CACNA1C: variants seen among roughly 807,000 people sequenced by gnomAD.
CACNA1C encodes calcium voltage-gated channel subunit alpha1 C, also known as voltage-dependent L-type calcium channel subunit alpha-1C.
CACNA1C carries 30 observed loss-of-function variants against 229.0 expected under a neutral mutation model. The observed-to-expected ratio is 0.13, with a 90% CI of 0.10 to 0.18. The LOEUF is 0.18. Among genes scored for constraint, CACNA1C ranks in the 10% least tolerant of loss-of-function variants. The pLI, the probability that CACNA1C is intolerant of heterozygous loss-of-function variation, is 1.00. For missense variants in CACNA1C, 1,658 were observed against 2,845.0 expected (o/e 0.58, Z 9.49); for synonymous variants, 1,114 against 1,132.5 (o/e 0.98, Z 0.33).
chr12:2,492,646 AT>A (rs1381268925), intron 6 of CACNA1C, among the ~76,000 whole-genome samples: 1 of 152,222 alleles, frequency 6.6e-6, no homozygotes, highest in African/African-American at 2.4e-5. Context: ...GTATCCTCTA[AT>A]ACATAGTGGA....
intron 1 of CACNA1C, among the ~76,000 whole-genome samples, chr12:2,084,442 C>A (rs1408365530): frequency 6.6e-6 from 1 of 152,196 alleles, no homozygotes; most frequent in Non-Finnish European, 1.5e-5. Context: ...TTTCTTATAG[C>A]CCTCCAGATT....
At chr12:2,567,974 C>A (rs2052119696) in intron 13 of CACNA1C, among the ~76,000 whole-genome samples, 180 bp downstream of exon 13, 1 of 152,164 alleles carries the variant, frequency 6.6e-6, no homozygotes, top group Non-Finnish European at 1.5e-5. Flanking sequence ...TTGGAAATTC[C>A]TCTGGCTGCT....
intron 1 of CACNA1C, among the ~76,000 whole-genome samples, chr12:2,002,850 G>A (rs575602511): frequency 6.6e-6 from 1 of 152,240 alleles, no homozygotes; most frequent in East Asian, 1.9e-4. Flanking sequence ...GGAGGAAACT[G>A]TCTATGTTGC....
intron 3 of CACNA1C, among the ~76,000 whole-genome samples, chr12:2,260,467 GTC>G (rs1295895304): frequency 1.5e-5 from 2 of 134,098 alleles, no homozygotes; most frequent in Non-Finnish European, 3.1e-5. Context: ...CAGAGACCCT[GTC>G]TCTATTAAAA....
intron 3 of CACNA1C, among the ~76,000 whole-genome samples, chr12:2,316,719 C>A (rs539147179): frequency 7.9e-5 from 12 of 152,340 alleles, no homozygotes; most frequent in Non-Finnish European, 1.5e-5. Flanking sequence ...AGTTCACCAA[C>A]AGAAAACTCC....
chr12:2,004,354 G>A (rs2042924658), intron 1 of CACNA1C: 1 of 1,613,184 alleles, frequency 6.2e-7, no homozygotes, highest in African/African-American at 1.3e-5. Context: ...GGTTGATATA[G>A]GGGTCGTGGC....
chr12:2,366,424 A>G (rs1012322004), intron 3 of CACNA1C, among the ~76,000 whole-genome samples: 2 of 152,234 alleles, frequency 1.3e-5, no homozygotes, highest in Admixed American at 1.3e-4. Flanking sequence ...AATTGCCTAT[A>G]TAATACAAGA....
intron 3 of CACNA1C, among the ~76,000 whole-genome samples, chr12:2,274,957 C>T (rs1200935034): frequency 6.6e-6 from 1 of 152,212 alleles, no homozygotes; most frequent in Non-Finnish European, 1.5e-5. Context: ...GGTGGCAGCA[C>T]TCCCAGCCTG....
At chr12:2,372,521 A>C (rs1200972009) in intron 3 of CACNA1C, among the ~76,000 whole-genome samples, 1 of 152,214 alleles carries the variant, frequency 6.6e-6, no homozygotes, top group Non-Finnish European at 1.5e-5. Context: ...GGACACATGT[A>C]GTACTGGAAA....
At chr12:2,611,338 T>A (rs1338824893) in intron 28 of CACNA1C, among the ~76,000 whole-genome samples, 1 of 127,150 alleles carries the variant, frequency 7.9e-6, no homozygotes, top group African/African-American at 3.0e-5. Context: ...GAGCTGGATG[T>A]GTTCGTTGTT....
intron 3 of CACNA1C, among the ~76,000 whole-genome samples, chr12:2,273,663 A>C (rs1046893155): frequency 6.6e-6 from 1 of 152,208 alleles, no homozygotes; most frequent in African/African-American, 2.4e-5. Context: ...TTGGCAAACA[A>C]AGCTCAGATA....
intron 3 of CACNA1C, among the ~76,000 whole-genome samples, chr12:2,416,352 G>A (rs2098900232): frequency 6.6e-6 from 1 of 151,988 alleles, no homozygotes; most frequent in Non-Finnish European, 1.5e-5. Context: ...AAGAATGGAA[G>A]GAGTGGTGGA....
At chr12:2,687,538 CTTTTTTT>C (rs35920419) in intron 45 of CACNA1C, among the ~76,000 whole-genome samples, 2 of 138,206 alleles carry the variant, frequency 1.4e-5, no homozygotes, top group Admixed American at 7.2e-5. Flanking sequence ...TACCGTGTGA[CTTTTTTT>C]TTTTTTTTTT....
Position 2,405,466 on chromosome 12 carries a change from T to C in CACNA1C, c.478-43510T>C, listed in dbSNP as rs117332692. Among the ~76,000 whole-genome samples the C allele has an allele frequency of 5.4e-3, 815 of 152,328 alleles. 3 individuals are homozygous for C. Among genetic ancestry groups the C allele is most frequent in the Middle Eastern group, 0.017 (5 of 294 alleles). ...GGCAACTACTTATTTGTTCTCCATCTCTATAATTTTGTCATTTCAAGAATG... is the reference window on the plus strand; with the variant it reads ...GGCAACTACTTATTTGTTCTCCATCCCTATAATTTTGTCATTTCAAGAATG... On this transcript the variant is annotated intron_variant, in intron 3 of 46. Transcript: ENST00000399655.
intron 3 of CACNA1C, among the ~76,000 whole-genome samples, chr12:2,223,983 G>A (rs549005015): frequency 6.6e-5 from 10 of 152,232 alleles, no homozygotes; most frequent in East Asian, 5.8e-4. Context: ...AAATCCCATC[G>A]GAGTTTAAAG....
chr12:2,453,670 C>A (rs1375193287), intron 4 of CACNA1C, among the ~76,000 whole-genome samples: 3 of 152,166 alleles, frequency 2.0e-5, no homozygotes, highest in African/African-American at 4.8e-5. Flanking sequence ...TTTCTCACCA[C>A]CCCGCTGCAG....
intron 3 of CACNA1C, among the ~76,000 whole-genome samples, chr12:2,213,756 G>T (rs528260964): frequency 1.4e-4 from 22 of 152,360 alleles, no homozygotes; most frequent in African/African-American, 5.0e-4. Flanking sequence ...CACGGAGGCA[G>T]CGTTGACAAG....
At chr12:2,528,882 A>G (rs1299166596) in intron 9 of CACNA1C, among the ~76,000 whole-genome samples, 3 of 152,092 alleles carry the variant, frequency 2.0e-5, no homozygotes, top group African/African-American at 7.2e-5. Flanking sequence ...CTGAGGATGG[A>G]TGTTTGGGCC....
At chr12:2,228,663 C>T (rs937914082) in intron 3 of CACNA1C, among the ~76,000 whole-genome samples, 3 of 152,144 alleles carry the variant, frequency 2.0e-5, no homozygotes, top group Non-Finnish European at 4.4e-5. Context: ...ATATTCAGCT[C>T]CTTTTCTCCA....
Sources: gnomAD v4.1 joint callset for allele counts (sites outside exome capture counted in the v4.1 genomes callset) on GRCh38, gnomAD v4.1.1 for gene constraint, MANE v1.5 for transcripts, NCBI Gene and HGNC (gene_info 2026-07-23, HGNC 2026-07-21) for gene names.